STXBP4: variants seen among roughly 807,000 people sequenced by gnomAD.
The protein encoded by STXBP4 is syntaxin-binding protein 4.
In STXBP4, 55 loss-of-function variants were observed where a neutral mutation model predicts 76.1. The ratio of observed to expected loss-of-function variants is 0.72; its 90% CI spans 0.58 to 0.91. The LOEUF (loss-of-function observed/expected upper bound fraction) is 0.91, where lower values mean the gene tolerates loss of function less well. Ranked by LOEUF, STXBP4 falls within the 40% of genes least tolerant of loss-of-function variation. The pLI is 0.00. For missense variants in STXBP4, 618 were observed against 636.9 expected (o/e 0.97, Z 0.32); for synonymous variants, 201 against 220.2 (o/e 0.91, Z 0.77).
At chr17:55,138,166 A>G (rs924785327) in intron 16 of STXBP4, among the ~76,000 whole-genome samples, 8 of 151,938 alleles carry the variant, frequency 5.3e-5, no homozygotes, top group African/African-American at 1.9e-4. Context: ...ACTTATTCCT[A>G]TTTTTAATAA....
intron 1 of STXBP4, among the ~76,000 whole-genome samples, chr17:54,970,412 G>C (rs1467557434): frequency 2.6e-5 from 4 of 152,178 alleles, no homozygotes; most frequent in Non-Finnish European, 5.9e-5. Context: ...TGGTCACCTT[G>C]AGTGAGTAAT....
At chr17:55,106,524 G>A (rs2079637021) in intron 16 of STXBP4, among the ~76,000 whole-genome samples, 1 of 152,076 alleles carries the variant, frequency 6.6e-6, no homozygotes, top group South Asian at 2.1e-4. Context: ...TGGTTATTTA[G>A]CCTGTTAGTT....
At chr17:55,051,766 A>G (rs1484306357) in intron 12 of STXBP4, among the ~76,000 whole-genome samples, 1 of 152,056 alleles carries the variant, frequency 6.6e-6, no homozygotes, top group Non-Finnish European at 1.5e-5. Context: ...TAAAAGGAAA[A>G]AGAAAGAAGG....
chr17:55,089,395 A>G (rs772793888), intron 16 of STXBP4, among the ~76,000 whole-genome samples: 3 of 152,168 alleles, frequency 2.0e-5, no homozygotes. Flanking sequence ...TAATGTTATT[A>G]TTGATGTTGT....
At chr17:55,188,876 G>A in the STXBP4 span, among the ~76,000 whole-genome samples, 1 of 152,174 alleles carries the variant, frequency 6.6e-6, no homozygotes, top group South Asian at 2.1e-4. Context: ...AGAACTTGCT[G>A]AACTGCAGAA....
rs548724067 is a variant in STXBP4 at position 55,025,324 on chromosome 17, T to C, written c.667-5844T>C. On this transcript the variant is annotated intron_variant, in intron 8 of 17. Coordinates refer to ENST00000376352, the MANE Select transcript of STXBP4 (RefSeq NM_178509.6). Reference sequence around the variant, plus strand: ...CTACCAAGACTAACTCAAGAAGACATAGAAAAACTAAACAGACTATAACAA... The same window carrying C: ...CTACCAAGACTAACTCAAGAAGACACAGAAAAACTAAACAGACTATAACAA... Among the ~76,000 whole-genome samples, 22 of 152,028 alleles carry C rather than the reference T, an allele frequency of 1.4e-4. 1 individual carries two copies. Among genetic ancestry groups the C allele is most frequent in the Middle Eastern group, 3.4e-3 (1 of 294 alleles).
At chr17:55,033,202 C>T (rs1191236342) in intron 9 of STXBP4, among the ~76,000 whole-genome samples, 1 of 151,764 alleles carries the variant, frequency 6.6e-6, no homozygotes, top group East Asian at 1.9e-4. Flanking sequence ...GGTGAAACCC[C>T]GTCTCTATTA....
intron 1 of STXBP4, among the ~76,000 whole-genome samples, chr17:54,980,599 C>T (rs2077536622): frequency 1.3e-5 from 2 of 152,190 alleles, no homozygotes; most frequent in Admixed American, 6.5e-5. Flanking sequence ...CTTGGTTACA[C>T]CCTATGTAAA....
In STXBP4 at chr17:55,173,261, A is replaced by G. The variant is rs2080416115; in HGVS notation, c.*13350A>G. 6.6e-6 allele frequency: 1 copy of G among 152,204 alleles called. No homozygotes were observed. The highest frequency in any genetic ancestry group is 2.4e-5 in the African/African-American group (1 of 41,458). The allele number at this position is 152,204 out of a possible 1,614,324, so 9.4% of individuals were successfully genotyped here. ...TTAACACATGTCTAGTTATTTGACC[A>G]CAACCGTAATCAAGATACAGAACAG... On this transcript the variant is annotated 3_prime_UTR_variant, in exon 18 of 18. Transcript: ENST00000376352.
At chr17:55,116,092 A>G (rs1357918958) in intron 16 of STXBP4, among the ~76,000 whole-genome samples, 6 of 151,832 alleles carry the variant, frequency 4.0e-5, no homozygotes, top group Non-Finnish European at 7.4e-5. Context: ...TATCTGAGCT[A>G]CTTATGTCTC....
Position 55,043,260 on chromosome 17 carries a change from G to A in STXBP4, c.880G>A (p.Ala294Thr). The A allele has an allele frequency of 6.6e-7, 1 of 1,526,532 alleles. No individual in the cohort carries two copies. Among genetic ancestry groups the A allele is most frequent in the Non-Finnish European group, 8.8e-7 (1 of 1,138,492 alleles). The allele number at this position is 1,526,532 out of a possible 1,614,324, so 94.6% of individuals were successfully genotyped here. A position where few individuals can be genotyped will look rare whatever the true frequency, so the allele number is the denominator to read the frequency against. The change falls in exon 11 of 18, where the codon GCA becomes ACA. Residue 294 changes from alanine (A) to threonine (T), a missense_variant. By Grantham distance (58) the Ala-to-Thr change is moderately conservative. Coordinates refer to ENST00000376352, the MANE Select transcript of STXBP4 (RefSeq NM_178509.6). ...GCTTCTTCCTTGTGATTCTTCAGAA[G>A]CAGATGAAATGGAAAGGCTCAAGTG... ...SQLLPCDSSE[A>T]DEMERLKCER...
chr17:55,178,086 G>A (rs552379425), downstream of STXBP4, among the ~76,000 whole-genome samples: 11 of 152,264 alleles, frequency 7.2e-5, no homozygotes, highest in Non-Finnish European at 1.0e-4. Flanking sequence ...TAATGGAGAT[G>A]AACAAATGAT....
rs1407689920 is a variant in STXBP4, at chr17:55,007,693, T to G, written c.666+96T>G. 6 of 873,896 alleles carry G rather than the reference T, an allele frequency of 6.9e-6. No individual in the cohort carries two copies. In the East Asian group the frequency reaches 1.7e-4, roughly 24 times the overall value. The allele number at this position is 873,896 out of a possible 1,614,324, so 54.1% of individuals were successfully genotyped here. On this transcript the variant is annotated intron_variant, in intron 8 of 17. Coordinates refer to ENST00000376352, the MANE Select transcript of STXBP4 (RefSeq NM_178509.6). ...AGGATAAAGTACTGGAGTCATTAGTTTCTTGAAGTTACTTATTTACAATTA... is the reference window on the plus strand; with the variant it reads ...AGGATAAAGTACTGGAGTCATTAGTGTCTTGAAGTTACTTATTTACAATTA...
intron 16 of STXBP4, among the ~76,000 whole-genome samples, chr17:55,086,782 A>G (rs1453541185): frequency 6.6e-6 from 1 of 152,152 alleles, no homozygotes; most frequent in African/African-American, 2.4e-5. Flanking sequence ...ATAAATGCCC[A>G]GTAGTAGGAT....
At chr17:55,034,923 T>C (rs2078572255) in intron 10 of STXBP4, among the ~76,000 whole-genome samples, 1 of 152,056 alleles carries the variant, frequency 6.6e-6, no homozygotes. Context: ...ATTTTAGTCC[T>C]TTTCATTGTG....
the STXBP4 span, among the ~76,000 whole-genome samples, chr17:55,200,096 A>G: frequency 6.6e-6 from 1 of 152,140 alleles, no homozygotes; most frequent in Non-Finnish European, 1.5e-5. Context: ...TGTTATTTAT[A>G]TTTTTATTTG....
chr17:55,143,048 A>G (rs930496858), intron 17 of STXBP4, among the ~76,000 whole-genome samples: 4 of 152,118 alleles, frequency 2.6e-5, no homozygotes, highest in Non-Finnish European at 5.9e-5. Flanking sequence ...TCTCTTTTTG[A>G]TATTAACTTT....
intron 8 of STXBP4, among the ~76,000 whole-genome samples, chr17:55,009,182 T>G (rs1232331565): frequency 6.6e-6 from 1 of 152,194 alleles, no homozygotes; most frequent in Non-Finnish European, 1.5e-5. Flanking sequence ...CTTTATACTT[T>G]CAAAATCCTG....
chr17:55,016,019 G>A (rs2078202551), intron 8 of STXBP4, among the ~76,000 whole-genome samples: 1 of 145,604 alleles, frequency 6.9e-6, no homozygotes. Context: ...CATAGCGTCT[G>A]AGGGTCAAAT....
Sources: allele counts gnomAD v4.1 joint callset (sites outside exome capture counted in the v4.1 genomes callset), GRCh38; gene constraint gnomAD v4.1.1; transcripts MANE v1.5; gene names NCBI Gene and HGNC (gene_info 2026-07-23, HGNC 2026-07-21).